Variants in PARM1 observed in about 807,000 individuals in gnomAD.
PARM1 encodes prostate androgen-regulated mucin-like protein 1.
In PARM1, 14 loss-of-function variants were observed where a neutral mutation model predicts 24.6. The ratio of observed to expected loss-of-function variants is 0.57; its 90% CI spans 0.38 to 0.89. PARM1 has a LOEUF of 0.89. Ranked by LOEUF, PARM1 falls within the 40% of genes least tolerant of loss-of-function variation. PARM1 has a pLI of 0.00. For synonymous variants in PARM1, 179 were observed against 156.6 expected (o/e 1.14, Z -1.07); for missense variants, 362 against 380.4 (o/e 0.95, Z 0.40).
intron 3 of PARM1, among the ~76,000 whole-genome samples, chr4:75,034,988 C>A (rs1340561768): frequency 6.6e-6 from 1 of 152,180 alleles, no homozygotes; most frequent in Non-Finnish European, 1.5e-5. Context: ...TCCTGAACTT[C>A]AGAAACTCCA....
At chr4:75,001,223 C>T (rs189144918) in intron 1 of PARM1, among the ~76,000 whole-genome samples, 1 of 152,172 alleles carries the variant, frequency 6.6e-6, no homozygotes, top group East Asian at 1.9e-4. Flanking sequence ...CAAAAACAGC[C>T]TAAATGCTCA....
intron 2 of PARM1, among the ~76,000 whole-genome samples, chr4:75,033,493 C>T (rs1284309429): frequency 6.6e-6 from 1 of 152,010 alleles, no homozygotes; most frequent in Non-Finnish European, 1.5e-5. Context: ...AGGCAGAGCC[C>T]ATAAAAGAAG....
chr4:74,968,091 G>A (rs1721942820), intron 1 of PARM1, among the ~76,000 whole-genome samples: 1 of 152,058 alleles, frequency 6.6e-6, no homozygotes, highest in Non-Finnish European at 1.5e-5. Context: ...ATTAATATAT[G>A]TTTATGACTT....
intron 1 of PARM1, among the ~76,000 whole-genome samples, chr4:74,987,945 T>G (rs1722388055): frequency 6.6e-6 from 1 of 152,224 alleles, no homozygotes; most frequent in Non-Finnish European, 1.5e-5. Flanking sequence ...TTATGTTCAA[T>G]TTCACATTTA....
chr4:74,941,994 G>T (rs72660369), intron 1 of PARM1, among the ~76,000 whole-genome samples: 3,254 of 152,312 alleles, frequency 0.021, 51 homozygotes, highest in Middle Eastern at 0.082. Context: ...TTTAGAGTAA[G>T]ATAGACCAGC....
chr4:74,980,509 A>T (rs777877596), intron 1 of PARM1, among the ~76,000 whole-genome samples: 1 of 152,250 alleles, frequency 6.6e-6, no homozygotes, highest in Non-Finnish European at 1.5e-5. Context: ...GATAGGAAGA[A>T]TCAGTGTCAT....
intron 3 of PARM1, among the ~76,000 whole-genome samples, chr4:75,041,990 G>T (rs10028207): frequency 0.44 from 66,315 of 152,004 alleles, 15,099 homozygotes; most frequent in East Asian, 0.73. Context: ...CAGCCATAAT[G>T]CTCTTTTCCC....
Position 74,933,170 on chromosome 4 carries a change from C to T in PARM1, c.-158C>T, listed in dbSNP as rs944928752. The T allele has an allele frequency of 1.3e-5, 8 of 600,124 alleles. No homozygotes were observed. The highest frequency in any genetic ancestry group is 9.6e-5 in the African/African-American group (5 of 52,340). 37.2% of individuals were successfully genotyped at this position (600,124 alleles called of 1,614,324 possible). On this transcript the variant is annotated 5_prime_UTR_variant, in exon 1 of 4. Transcript: ENST00000307428. Reference sequence around the variant, plus strand: ...AGCTGACGGAGCTGCGCTGCGTTCGCCTCGTTTGCCTCGCGCCCTCCACTG... The same window carrying T: ...AGCTGACGGAGCTGCGCTGCGTTCGTCTCGTTTGCCTCGCGCCCTCCACTG...
At chr4:74,965,881 A>G (rs1221944348) in intron 1 of PARM1, among the ~76,000 whole-genome samples, 2 of 152,214 alleles carry the variant, frequency 1.3e-5, no homozygotes, top group Non-Finnish European at 2.9e-5. Flanking sequence ...ACTGAATGCA[A>G]TGGAGTACCT....
At position 75,012,446 on chromosome 4, in the gene PARM1, C is replaced by T; in HGVS notation, c.65C>T (p.Pro22Leu). 1 of 1,613,890 alleles carries T rather than the reference C, an allele frequency of 6.2e-7. No homozygotes were observed. The highest frequency in any genetic ancestry group is 8.5e-7 in the Non-Finnish European group (1 of 1,179,856). Residue 22 changes from proline (P) to leucine (L), a missense_variant, in exon 2 of 4, where the codon CCT becomes CTT. Physicochemically the swap from Pro to Leu is moderately conservative, Grantham distance 98. Coordinates refer to ENST00000307428, the MANE Select transcript of PARM1 (RefSeq NM_015393.4). ...ACAGGATGGAGGGTACAGAGTCTGC[C>T]TACATCAGCTCCTTTGTCTGTTTCT... ...LTAGWRVQSL[P>L]TSAPLSVSLP...
At chr4:75,021,449 T>C (rs188465555) in intron 2 of PARM1, among the ~76,000 whole-genome samples, 110 of 152,190 alleles carry the variant, frequency 7.2e-4, no homozygotes, top group East Asian at 5.8e-4. Context: ...CAGTTCTTTT[T>C]TTTTTTCCTT....
intron 1 of PARM1, among the ~76,000 whole-genome samples, chr4:75,006,192 T>G (rs2109790014): frequency 6.6e-6 from 1 of 152,276 alleles, no homozygotes; most frequent in East Asian, 1.9e-4. Flanking sequence ...GTGCACAACT[T>G]GCAGGTTTGT....
intron 2 of PARM1, among the ~76,000 whole-genome samples, chr4:75,026,430 A>T (rs1008624777): frequency 7.2e-5 from 11 of 152,362 alleles, no homozygotes; most frequent in South Asian, 4.1e-4. Flanking sequence ...TCAGTTACAT[A>T]CTAAAACAAA....
At chr4:74,936,438 G>GTTTTTTTTGTTTTTTT (rs1560768559) in intron 1 of PARM1, among the ~76,000 whole-genome samples, 2 of 31,862 alleles carry the variant, frequency 6.3e-5, no homozygotes, top group Non-Finnish European at 6.7e-5. Flanking sequence ...ACATTCAAGT[G>GTTTTTTTTGTTTTTTT]TTTTTTTTTT....
chr4:74,960,618 A>G (rs1453597762), intron 1 of PARM1, among the ~76,000 whole-genome samples: 1 of 152,172 alleles, frequency 6.6e-6, no homozygotes, highest in Non-Finnish European at 1.5e-5. Flanking sequence ...CAAAAATCAC[A>G]AGACACAAAA....
At chr4:75,023,808 A>C (rs1219226229) in intron 2 of PARM1, among the ~76,000 whole-genome samples, 2 of 152,222 alleles carry the variant, frequency 1.3e-5, no homozygotes, top group African/African-American at 4.8e-5. Flanking sequence ...TGCAGGATTT[A>C]GCCTGGGTCC....
intron 2 of PARM1, among the ~76,000 whole-genome samples, chr4:75,015,971 A>AT (rs1722977737): frequency 2.6e-5 from 4 of 152,166 alleles, no homozygotes; most frequent in Admixed American, 2.6e-4. Context: ...ATAACACCAC[A>AT]TTTTGCATAG....
At chr4:74,976,199 A>C (rs1722135838) in intron 1 of PARM1, among the ~76,000 whole-genome samples, 1 of 152,120 alleles carries the variant, frequency 6.6e-6, no homozygotes, top group South Asian at 2.1e-4. Flanking sequence ...ACTCCCTAAG[A>C]TGACCAGGTT....
chr4:75,016,669 C>T (rs985152823), intron 2 of PARM1, among the ~76,000 whole-genome samples: 1 of 152,148 alleles, frequency 6.6e-6, no homozygotes, highest in East Asian at 1.9e-4. Context: ...ACTGGCTCTG[C>T]TCGACGTTCA....
Sources: allele counts gnomAD v4.1 joint callset (sites outside exome capture counted in the v4.1 genomes callset), GRCh38; gene constraint gnomAD v4.1.1; transcripts MANE v1.5; gene names NCBI Gene and HGNC (gene_info 2026-07-23, HGNC 2026-07-21).